The following SEC31A variants were observed in gnomAD, a reference collection of about 807,000 sequenced individuals.
SEC31A encodes the protein SEC31 homolog A, COPII component, also known as protein transport protein Sec31A.
Under a neutral mutation model 151.0 loss-of-function variants are expected in SEC31A, and 70 were observed. The ratio of observed to expected loss-of-function variants is 0.46; its 90% CI spans 0.38 to 0.57. SEC31A has a LOEUF of 0.57. Ranked by LOEUF, SEC31A falls within the 20% of genes least tolerant of loss-of-function variation. The pLI is 0.00. For synonymous variants in SEC31A, 475 were observed against 505.9 expected (o/e 0.94, Z 0.82); for missense variants, 1,330 against 1,471.2 (o/e 0.90, Z 1.57).
chr4:82,843,651 A>T (rs1446656798), intron 21 of SEC31A: 1 of 136,012 alleles, frequency 7.4e-6, no homozygotes, highest in Non-Finnish European at 1.6e-5. Context: ...CATTCATTAA[A>T]TTTTCCCCTT....
intron 21 of SEC31A, among the ~76,000 whole-genome samples, chr4:82,843,284 C>A (rs536100273): frequency 6.6e-6 from 1 of 152,168 alleles, no homozygotes; most frequent in East Asian, 1.9e-4. Context: ...GCTATAGGTG[C>A]CACCACACCC....
At chr4:82,891,295 C>T (rs2125994992), upstream of SEC31A, 1 of 1,011,912 alleles carries the variant, frequency 9.9e-7, no homozygotes, top group Non-Finnish European at 1.4e-6. Context: ...CGCCACGGCA[C>T]TTCCGGGACC....
chr4:82,827,522 C>A lies in SEC31A; in HGVS notation c.3138G>T (p.Leu1046=), dbSNP rs2148999683. 6.2e-7 allele frequency: 1 copy of A among 1,614,226 alleles called. No individual in the cohort carries two copies. Among genetic ancestry groups the A allele is most frequent in the Admixed American group, 1.7e-5 (1 of 60,024 alleles). ...LQQQPSAPVP[L]SSQSSFPQPH... ...GCTGTGGGAATGAAGACTGGCTTGA[C>A]AGTGGTACTGGAGCTGAAGGCTGTT... is the stretch of plus-strand genomic sequence containing the variant. The change falls in exon 24 of 27, where the codon CTG becomes CTT. Residue 1046 remains leucine, a synonymous_variant. Transcript: ENST00000395310.
intron 25 of SEC31A, 67 bp downstream of exon 25, chr4:82,824,488 A>C (rs774260555): frequency 2.6e-5 from 41 of 1,555,386 alleles, no homozygotes; most frequent in Non-Finnish European, 3.5e-5. Flanking sequence ...TACACGCATA[A>C]GCCACCACAC....
intron 8 of SEC31A, among the ~76,000 whole-genome samples, chr4:82,869,469 T>C (rs898268064): frequency 1.3e-5 from 2 of 152,012 alleles, no homozygotes; most frequent in African/African-American, 4.8e-5. Flanking sequence ...GTACTAAAAG[T>C]CTCTTCCTTC....
chr4:82,873,337 C>G (rs908936347), intron 6 of SEC31A, among the ~76,000 whole-genome samples: 4 of 149,978 alleles, frequency 2.7e-5, no homozygotes, highest in African/African-American at 2.5e-5. Context: ...GACTGGGTGA[C>G]AGAGTGAGAG....
At chr4:82,890,765 G>T (rs967311551) in intron 1 of SEC31A, 1 of 1,207,136 alleles carries the variant, frequency 8.3e-7, no homozygotes, top group Non-Finnish European at 1.0e-6. Context: ...TTGTGCACAA[G>T]GGTCTGAAAG....
intron 14 of SEC31A, among the ~76,000 whole-genome samples, chr4:82,859,701 A>C (rs4599402): frequency 1 from 151,695 of 152,118 alleles, 75,636 homozygotes; most frequent in Non-Finnish European, 1. Context: ...TTTAAAAACT[A>C]AAAGAAATTA....
At chr4:82,874,543 GACAA>G in intron 6 of SEC31A, 64 bp downstream of exon 6, 2 of 1,416,828 alleles carry the variant, frequency 1.4e-6, no homozygotes, top group African/African-American at 2.9e-5. Context: ...TGTCAACTCT[GACAA>G]ACAATATAGG....
At chr4:82,859,386 T>C (rs765516006) in intron 14 of SEC31A, among the ~76,000 whole-genome samples, 6 of 152,190 alleles carry the variant, frequency 3.9e-5, no homozygotes, top group Non-Finnish European at 8.8e-5. Context: ...TTTTAAATGC[T>C]TTCTCTCCCA....
Position 82,875,767 on chromosome 4 carries a change from T to C in SEC31A, c.458A>G (p.Asn153Ser). The C allele has an allele frequency of 1.2e-6, 2 of 1,608,832 alleles. No homozygotes were observed. Among genetic ancestry groups the C allele is most frequent in the Non-Finnish European group, 8.5e-7 (1 of 1,177,102 alleles). The change falls in exon 5 of 27, where the codon AAT (asparagine) becomes AGT (serine). Residue 153 changes from asparagine to serine, a missense_variant. By Grantham distance (46) the Asn-to-Ser change is conservative. Transcript: ENST00000395310. ...TGGTGTCATTGGGGTTGCAAAATTA[T>C]TTAGATCCCATATGTAGATTTCAGA... The part of the protein sequence containing the change: ...NESEIYIWDL[N>S]NFATPMTPGA...
At chr4:82,829,210 G>T in intron 22 of SEC31A, 152 bp from the exon 23 acceptor site, 1 of 600,722 alleles carries the variant, frequency 1.7e-6, no homozygotes. Flanking sequence ...TCACTATGTA[G>T]CCCTGGATTC....
exon 1 of SEC31A, chr4:82,900,507 T>C (rs933654240): frequency 9.0e-6 from 4 of 445,188 alleles, no homozygotes; most frequent in African/African-American, 4.1e-5. Context: ...AGAAGGAAAA[T>C]AAACCGGTTG....
At chr4:82,873,974 A>G (rs1241021391) in intron 6 of SEC31A, among the ~76,000 whole-genome samples, 1 of 152,174 alleles carries the variant, frequency 6.6e-6, no homozygotes, top group Non-Finnish European at 1.5e-5. Flanking sequence ...AAAAATTTTT[A>G]CATTCTAAGA....
At chr4:82,848,775 T>G (rs1429953733) in intron 20 of SEC31A, 29 bp downstream of exon 20, 1 of 1,569,882 alleles carries the variant, frequency 6.4e-7, no homozygotes, top group East Asian at 2.3e-5. Context: ...ACAAAAGTGT[T>G]CCTACTTCAT....
At chr4:82,899,199 TG>T (rs1279755135) in intron 3 of SEC31A, among the ~76,000 whole-genome samples, 1 of 151,818 alleles carries the variant, frequency 6.6e-6, no homozygotes, top group Non-Finnish European at 1.5e-5. Flanking sequence ...CTGAGCGGGG[TG>T]GGGGAATATT....
intron 20 of SEC31A, among the ~76,000 whole-genome samples, chr4:82,846,554 T>G (rs530322402): frequency 2.1e-4 from 32 of 151,710 alleles, no homozygotes; most frequent in Non-Finnish European, 3.7e-4. Flanking sequence ...CCCTGAGACA[T>G]CAAGACCAAC....
intron 12 of SEC31A, 112 bp downstream of exon 12, chr4:82,863,206 A>C (rs1051005382): frequency 1.0e-5 from 7 of 680,408 alleles, no homozygotes; most frequent in African/African-American, 3.8e-5. Context: ...GCAACCAAAC[A>C]CAAATTATTA....
chr4:82,871,368 C>T (rs1305550366), intron 7 of SEC31A: 5 of 1,522,210 alleles, frequency 3.3e-6, no homozygotes, highest in East Asian at 2.5e-5. Context: ...AATGTTTTAC[C>T]TATGGATGGG....
Sources: allele counts gnomAD v4.1 joint callset (sites outside exome capture counted in the v4.1 genomes callset), GRCh38; gene constraint gnomAD v4.1.1; transcripts MANE v1.5; gene names NCBI Gene and HGNC (gene_info 2026-07-23, HGNC 2026-07-21).